The following KIF1A variants were observed in gnomAD, a reference collection of about 807,000 sequenced individuals.
The protein encoded by KIF1A is kinesin family member 1A, also known as kinesin-like protein KIF1A.
A neutral mutation model predicts 227.3 loss-of-function variants in KIF1A; 46 were observed. The observed-to-expected ratio is 0.20, with a 90% CI of 0.16 to 0.26. The LOEUF is 0.26. Ranked by LOEUF, KIF1A falls within the 10% of genes least tolerant of loss-of-function variation. The probability of loss-of-function intolerance (pLI) is 1.00; values close to 1 mark genes in which losing one functional copy is unlikely to be tolerated. For synonymous variants in KIF1A, 1,022 were observed against 1,012.8 expected (o/e 1.01, Z -0.17); for missense variants, 1,683 against 2,485.9 (o/e 0.68, Z 6.87).
chr2:240,751,854 T>C (rs1032159377), intron 27 of KIF1A, among the ~76,000 whole-genome samples: 1 of 151,760 alleles, frequency 6.6e-6, no homozygotes, highest in African/African-American at 2.4e-5. Context: ...AGCCCTACCC[T>C]CCATCTCATC....
chr2:240,804,111 C>T (rs1395098198), intron 1 of KIF1A, among the ~76,000 whole-genome samples: 1 of 152,106 alleles, frequency 6.6e-6, no homozygotes, highest in Non-Finnish European at 1.5e-5. Flanking sequence ...ACTAAAAATA[C>T]AAAAATTAGC....
intron 27 of KIF1A, among the ~76,000 whole-genome samples, chr2:240,753,236 C>G (rs1299606530): frequency 6.6e-6 from 1 of 152,232 alleles, no homozygotes. Flanking sequence ...CACTCTCCCC[C>G]ACTGCCCTGA....
At chr2:240,727,660 C>A (rs1053806754) in intron 38 of KIF1A, among the ~76,000 whole-genome samples, 1 of 152,196 alleles carries the variant, frequency 6.6e-6, no homozygotes, top group Non-Finnish European at 1.5e-5. Context: ...TAATCTCCAC[C>A]CTGGAGTTAT....
rs1405567316 is a variant in KIF1A, at chr2:240,752,153, C to A, written c.2859-1606G>T. Reference sequence around the variant, plus strand: ...TTGGGCCCTCTCCCCAGCACAACGCCCCCTCTGAAGATGCCCCCCGAGAAG... The same window carrying A: ...TTGGGCCCTCTCCCCAGCACAACGCACCCTCTGAAGATGCCCCCCGAGAAG... On this transcript the variant is annotated intron_variant, in intron 27 of 48. Transcript: ENST00000498729. This position sits in a 1 kb window ranked among gnomAD's most constrained non-coding sequence, Gnocchi z 6.4. 6.6e-6 allele frequency among the ~76,000 whole-genome samples: 1 copy of A among 152,016 alleles called. No individual in the cohort carries two copies. The highest frequency in any genetic ancestry group is 2.1e-4 in the South Asian group (1 of 4,818).
chr2:240,745,356 G>T, intron 32 of KIF1A, 71 bp downstream of exon 32: 1 of 1,184,450 alleles, frequency 8.4e-7, no homozygotes, highest in Non-Finnish European at 1.3e-6. Context: ...GAGGGAGAAT[G>T]AGCCATGCTC....
At chr2:240,782,747 C>CT in intron 9 of KIF1A, 140 bp from the exon 10 acceptor site, 1 of 906,746 alleles carries the variant, frequency 1.1e-6, no homozygotes, top group Non-Finnish European at 1.7e-6. Flanking sequence ...TAGACAGCAG[C>CT]TCCCCCAGGC....
chr2:240,774,293 G>A, intron 11 of KIF1A, 32 bp from the exon 12 acceptor site: 2 of 1,464,398 alleles, frequency 1.4e-6, no homozygotes, highest in South Asian at 1.1e-5. Flanking sequence ...GTGCCCAGAG[G>A]GGGATCTAGG....
intron 47 of KIF1A, 41 bp from the exon 48 acceptor site, chr2:240,718,209 T>G (rs772997093): frequency 7.4e-7 from 1 of 1,359,832 alleles, no homozygotes; most frequent in Non-Finnish European, 1.0e-6. Flanking sequence ...CCAGGCTCCG[T>G]GGTCAGCACA....
intron 18 of KIF1A, 118 bp downstream of exon 18, chr2:240,767,148 C>T (rs1054704006): frequency 2.7e-6 from 3 of 1,125,470 alleles, no homozygotes; most frequent in African/African-American, 3.1e-5. Context: ...TCAGTGGGGT[C>T]GCTGGGGAAG....
At chr2:240,776,004 G>T (rs2052680956) in intron 10 of KIF1A, 78 bp from the exon 11 acceptor site, 3 of 964,946 alleles carry the variant, frequency 3.1e-6, no homozygotes, top group South Asian at 1.3e-5. Context: ...CGCAGGCCCT[G>T]CCAAGTGGGT....
Position 240,722,530 on chromosome 2 carries a change from A to G in KIF1A, c.4591T>C (p.Ser1531Pro). 1 of 1,548,616 alleles carries G rather than the reference A, an allele frequency of 6.5e-7. No homozygotes were observed. The highest frequency in any genetic ancestry group is 8.7e-7 in the Non-Finnish European group (1 of 1,146,770). ...GGGCGGCCCTCAGCCGAGAGCGGGG[A>G]GGAGGCGCTGGAGGAGCCATGGGAC... ...SESHGSSSAS[S>P]PLSAEGRPSP... Residue 1531 changes from serine (S) to proline (P), a missense_variant, in exon 43 of 49, where the codon TCC becomes CCC. Physicochemically the swap from Ser to Pro is moderately conservative, Grantham distance 74. This residue lies in a region of KIF1A where 384 missense variants were observed against 410.1 expected (regional missense o/e 0.94). Coordinates refer to ENST00000498729, the MANE Select transcript of KIF1A (RefSeq NM_001244008.2).
chr2:240,720,854 C>T, intron 45 of KIF1A, 60 bp downstream of exon 45: 1 of 1,488,786 alleles, frequency 6.7e-7, no homozygotes. Context: ...CGAGTCACGG[C>T]CATGGTCATG....
At chr2:240,718,890 AGT>A in intron 47 of KIF1A, 114 bp downstream of exon 47, 2 of 812,866 alleles carry the variant, frequency 2.5e-6, no homozygotes, top group South Asian at 3.5e-5. Context: ...AACAGGACGG[AGT>A]CTGGGGTGAG....
chr2:240,812,731 AGGGATCCGCCTTCACCTCG>A (rs2057973830), intron 1 of KIF1A, among the ~76,000 whole-genome samples: 1 of 141,182 alleles, frequency 7.1e-6, no homozygotes, highest in Non-Finnish European at 1.5e-5. Context: ...CCTTCACCTC[AGGGATCCGCCTTCACCTCG>A]GGGATCCGCC....
intron 27 of KIF1A, among the ~76,000 whole-genome samples, chr2:240,751,119 C>T (rs527282324): frequency 6.0e-4 from 91 of 152,298 alleles, no homozygotes; most frequent in African/African-American, 2.0e-3. Context: ...CCCAGGGCCA[C>T]GGTGCGGCCC....
chr2:240,767,408 C>T lies in KIF1A; in HGVS notation c.1498-63G>A. The T allele has an allele frequency of 3.8e-6, 5 of 1,320,790 alleles. No homozygotes were observed. The South Asian group carries it at 6.1e-5, about 16-fold the overall frequency. The allele number at this position is 1,320,790 out of a possible 1,614,324, so 81.8% of individuals were successfully genotyped here. On this transcript the variant is annotated intron_variant, in intron 17 of 48. Coordinates refer to ENST00000498729, the MANE Select transcript of KIF1A (RefSeq NM_001244008.2). ...GGCAGGAGCCTGATGCTGGCCACAC[C>T]CCCCTCCAACCTCTCTCCAGGCACC...
intron 10 of KIF1A, 134 bp downstream of exon 10, chr2:240,782,456 G>A (rs1026219726): frequency 2.8e-6 from 3 of 1,054,916 alleles, no homozygotes; most frequent in African/African-American, 1.6e-5. Flanking sequence ...CTTCCTTCCC[G>A]GGATCCACCC....
intron 1 of KIF1A, among the ~76,000 whole-genome samples, chr2:240,798,730 G>A (rs1037938490): frequency 1.2e-4 from 18 of 152,216 alleles, no homozygotes; most frequent in Admixed American, 3.3e-4. Context: ...CTGCTTCCCC[G>A]TGGGACTTGC....
chr2:240,762,715 T>C lies in KIF1A; in HGVS notation c.2116+4A>G. ...CAGCAGGTGCTGGCCCAGTGACCCC[T>C]CACCTTCATCCTCGGGCTCCTCCTC... On this transcript the variant is annotated splice_donor_region_variant and intron_variant, in intron 23 of 48. Coordinates refer to ENST00000498729, the MANE Select transcript of KIF1A (RefSeq NM_001244008.2). 1 of 1,584,780 alleles carries C rather than the reference T, an allele frequency of 6.3e-7. No individual in the cohort carries two copies. The highest frequency in any genetic ancestry group is 8.6e-7 in the Non-Finnish European group (1 of 1,159,060).
Sources: gnomAD v4.1 joint callset for allele counts (sites outside exome capture counted in the v4.1 genomes callset) on GRCh38, gnomAD v4.1.1 for gene constraint, gnomAD v4.1.1 regional missense constraint, Gnocchi (gnomAD v3.1) non-coding constraint, MANE v1.5 for transcripts, NCBI Gene and HGNC (gene_info 2026-07-23, HGNC 2026-07-21) for gene names.